The following LOC128462377 variants were observed in gnomAD, a reference collection of about 807,000 sequenced individuals.
chr16:89,391,089 G>A, the LOC128462377 span, among the ~76,000 whole-genome samples: 5 of 152,062 alleles, frequency 3.3e-5, no homozygotes, highest in African/African-American at 7.2e-5. Context: ...TTAGCCGGGC[G>A]CGGTGGTGGG....
At chr16:89,358,158 C>A in the LOC128462377 span, among the ~76,000 whole-genome samples, 1 of 152,216 alleles carries the variant, frequency 6.6e-6, no homozygotes, top group Non-Finnish European at 1.5e-5. Context: ...CACCCACCCA[C>A]GTGGCTTTGC....
At chr16:89,366,129 CAA>C in the LOC128462377 span, among the ~76,000 whole-genome samples, 3,101 of 60,138 alleles carry the variant, frequency 0.052, 51 homozygotes, top group African/African-American at 0.14. Flanking sequence ...GACTCCATCT[CAA>C]AAAAAAAAAA....
chr16:89,415,705 G>A, the LOC128462377 span, among the ~76,000 whole-genome samples: 6 of 151,144 alleles, frequency 4.0e-5, no homozygotes, highest in Admixed American at 2.6e-4. Flanking sequence ...GTGGGTACCT[G>A]TAATCCCAGC....
At chr16:89,343,765 C>A in the LOC128462377 span, 4 of 152,356 alleles carry the variant, frequency 2.6e-5, no homozygotes, top group East Asian at 5.8e-4. Context: ...TGAGCAGTCA[C>A]CAGTGCAGCC....
the LOC128462377 span, among the ~76,000 whole-genome samples, chr16:89,334,144 T>TAAAAAAAAAA: frequency 4.6e-3 from 191 of 41,402 alleles, 32 homozygotes; most frequent in African/African-American, 0.017. Flanking sequence ...CCCTGTGTTT[T>TAAAAAAAAAA]AAAAAAAAAA....
At chr16:89,353,700 G>A in the LOC128462377 span, among the ~76,000 whole-genome samples, 19 of 152,238 alleles carry the variant, frequency 1.2e-4, no homozygotes, top group African/African-American at 4.1e-4. Flanking sequence ...GGCTGGTTTC[G>A]AACTCCTGAC....
chr16:89,355,121 G>A, the LOC128462377 span, among the ~76,000 whole-genome samples: 1 of 152,152 alleles, frequency 6.6e-6, no homozygotes, highest in Non-Finnish European at 1.5e-5. Flanking sequence ...GCTGCCCTGT[G>A]GTCTCCCGTC....
the LOC128462377 span, among the ~76,000 whole-genome samples, chr16:89,352,324 G>A: frequency 6.6e-6 from 1 of 151,874 alleles, no homozygotes; most frequent in African/African-American, 2.4e-5. Flanking sequence ...AGCCCTGGGG[G>A]AAGGCAAGTC....
chr16:89,384,570 T>TGGGAC, the LOC128462377 span, among the ~76,000 whole-genome samples: 1 of 150,298 alleles, frequency 6.7e-6, no homozygotes, highest in Non-Finnish European at 1.5e-5. Flanking sequence ...TGGGACAGGA[T>TGGGAC]GGGACGGGAC....
the LOC128462377 span, among the ~76,000 whole-genome samples, chr16:89,390,939 T>C: frequency 2.6e-5 from 4 of 152,166 alleles, no homozygotes; most frequent in East Asian, 1.9e-4. Flanking sequence ...CATAAAATTA[T>C]TGCACCAGGC....
chr16:89,367,959 G>A, the LOC128462377 span, among the ~76,000 whole-genome samples: 1 of 151,374 alleles, frequency 6.6e-6, no homozygotes, highest in Admixed American at 6.5e-5. Flanking sequence ...AGCCATGACT[G>A]CACCACTGCA....
chr16:89,378,303 A>AG, the LOC128462377 span, among the ~76,000 whole-genome samples: 72 of 152,222 alleles, frequency 4.7e-4, no homozygotes, highest in African/African-American at 1.7e-3. Context: ...GGGGTATAAA[A>AG]GGTTATATGT....
chr16:89,334,849 T>C, the LOC128462377 span, among the ~76,000 whole-genome samples: 493 of 152,180 alleles, frequency 3.2e-3, 2 homozygotes, highest in African/African-American at 0.011. Flanking sequence ...CACGTGTCCA[T>C]AGACAGCACA....
chr16:89,343,028 A>AT, the LOC128462377 span, among the ~76,000 whole-genome samples: 1 of 152,160 alleles, frequency 6.6e-6, no homozygotes, highest in East Asian at 1.9e-4. Flanking sequence ...CGCTTTTTAA[A>AT]TTTTTATTTG....
the LOC128462377 span, among the ~76,000 whole-genome samples, chr16:89,330,674 G>C: frequency 3.3e-5 from 1 of 30,290 alleles, no homozygotes; most frequent in Non-Finnish European, 8.3e-5. Context: ...GGGGGGGGGG[G>C]GCGGGGGCGG....
chr16:89,324,820 C>G, the LOC128462377 span: 2 of 286,196 alleles, frequency 7.0e-6, no homozygotes, highest in Non-Finnish European at 1.4e-5. Context: ...GGGACTCGGA[C>G]TGGCTTCCTG....
chr16:89,325,132 G>C, the LOC128462377 span: 1 of 153,066 alleles, frequency 6.5e-6, no homozygotes, highest in African/African-American at 2.4e-5. Flanking sequence ...ACAGACACAA[G>C]AGACACGCGT....
the LOC128462377 span, among the ~76,000 whole-genome samples, chr16:89,403,408 G>A: frequency 5.3e-5 from 8 of 152,164 alleles, no homozygotes; most frequent in African/African-American, 1.9e-4. Context: ...AGCACACGCA[G>A]GTGAGGGCAG....
chr16:89,407,140 G>A, the LOC128462377 span, among the ~76,000 whole-genome samples: 1 of 151,838 alleles, frequency 6.6e-6, no homozygotes, highest in Non-Finnish European at 1.5e-5. Flanking sequence ...GAGTTGAGAC[G>A]TGCCACTGCA....
Sources: allele counts gnomAD v4.1 joint callset (sites outside exome capture counted in the v4.1 genomes callset), GRCh38; gene constraint gnomAD v4.1.1; transcripts MANE v1.5.